The following MYO15A variants were observed in gnomAD, a reference collection of about 807,000 sequenced individuals.
MYO15A encodes the protein unconventional myosin-XV.
MYO15A carries 308 observed loss-of-function variants against 394.6 expected under a neutral mutation model. The ratio of observed to expected loss-of-function variants is 0.78; its 90% CI spans 0.71 to 0.86. The LOEUF (loss-of-function observed/expected upper bound fraction) is 0.86. MYO15A is among the 40% of genes least tolerant of loss of function. MYO15A has a pLI of 0.00. For synonymous variants in MYO15A, 1,957 were observed against 2,003.8 expected (o/e 0.98, Z 0.62); for missense variants, 4,606 against 4,799.1 (o/e 0.96, Z 1.19).
chr17:18,142,235 G>A lies in MYO15A; in HGVS notation c.5806G>A (p.Ala1936Thr). ...CAAGATCATCCTGCTGCAAAGCCGG[G>A]CCCGTGGCTACCTTGCCAGGTGAGG... ...RHKIILLQSRARGYLARQRYQ... is the reference protein window; with the variant it reads ...RHKIILLQSRTRGYLARQRYQ... Residue 1936 changes from alanine to threonine, a missense_variant, in exon 24 of 66, where the codon GCC becomes ACC. By Grantham distance (58) the Ala-to-Thr change is moderately conservative. This residue lies in a region of MYO15A where 2,776 missense variants were observed against 3,109.3 expected (regional missense o/e 0.89). Transcript: ENST00000647165. The A allele has an allele frequency of 6.2e-7, 1 of 1,612,886 alleles. No individual in the cohort carries two copies. Among genetic ancestry groups the A allele is most frequent in the Non-Finnish European group, 8.5e-7 (1 of 1,179,890 alleles).
rs115633795 is a variant in MYO15A, at chr17:18,161,483, G to A, written c.9517+36G>A. The A allele has an allele frequency of 4.9e-3, 7,971 of 1,610,730 alleles. 128 individuals are homozygous for A. In the African/African-American group the frequency reaches 0.052, roughly 11 times the overall value. On this transcript the variant is annotated intron_variant, in intron 57 of 65. Coordinates refer to ENST00000647165, the MANE Select transcript of MYO15A (RefSeq NM_016239.4). ...AATGAGTGGGAACCCAGGGCTGCATGCTTCTCCCTTGGGGACTGGGTGGAC... is the reference window on the plus strand; with the variant it reads ...AATGAGTGGGAACCCAGGGCTGCATACTTCTCCCTTGGGGACTGGGTGGAC...
At chr17:18,149,051 G>A (rs769426004) in intron 33 of MYO15A, 99 bp downstream of exon 33, 66 of 1,501,964 alleles carry the variant, frequency 4.4e-5, no homozygotes, top group Non-Finnish European at 5.8e-5. Flanking sequence ...TGCTGGGACA[G>A]GCTGAGCCCT....
At chr17:18,116,351 A>C (rs951805529) in intron 1 of MYO15A, among the ~76,000 whole-genome samples, 10 of 152,382 alleles carry the variant, frequency 6.6e-5, no homozygotes, top group Admixed American at 3.9e-4. Context: ...GTGATGACCC[A>C]GGAGCTCAGC....
intron 19 of MYO15A, among the ~76,000 whole-genome samples, chr17:18,140,242 G>C (rs1227306520): frequency 6.6e-6 from 1 of 152,216 alleles, no homozygotes; most frequent in African/African-American, 2.4e-5. Flanking sequence ...GTATCTAACA[G>C]GCCACCCTGG....
intron 12 of MYO15A, 128 bp downstream of exon 12, chr17:18,133,514 T>A (rs937200600): frequency 7.7e-7 from 1 of 1,296,776 alleles, no homozygotes; most frequent in African/African-American, 1.5e-5. Context: ...TTTTTCTTTT[T>A]TCCTTTGGGG....
rs751971478 is a variant in MYO15A at position 18,149,509 on chromosome 17, G to T, written c.7141G>T (p.Ala2381Ser). The T allele has an allele frequency of 6.2e-7, 1 of 1,614,204 alleles. No individual in the cohort carries two copies. The highest frequency in any genetic ancestry group is 8.5e-7 in the Non-Finnish European group (1 of 1,180,026). Reference protein sequence around the residue: ...HQESDSLGEPAVPHKGLDCYL... With the variant: ...HQESDSLGEPSVPHKGLDCYL... ...AGAGTCAGACAGTCTTGGAGAGCCT[G>T]CTGTGCCCCACAAGGGGCTGGACTG... Residue 2381 changes from alanine to serine, a missense_variant, in exon 35 of 66, where the codon GCT becomes TCT. By Grantham distance (99) the Ala-to-Ser change is moderately conservative. Coordinates refer to ENST00000647165, the MANE Select transcript of MYO15A (RefSeq NM_016239.4).
At position 18,136,706 on chromosome 17, in the gene MYO15A, T is replaced by G. The variant is rs1472347980; in HGVS notation, c.4779+20T>G. 6.3e-7 allele frequency: 1 copy of G among 1,580,830 alleles called. No individual in the cohort carries two copies. Among genetic ancestry groups the G allele is most frequent in the Non-Finnish European group, 8.6e-7 (1 of 1,167,058 alleles). ...TTCGAGGTGGGGCCGTGTAGGAGGC[T>G]GAGGGGCGGGGGACATAGGCAAGGT... On this transcript the variant is annotated intron_variant, in intron 15 of 65. Transcript: ENST00000647165.
At chr17:18,151,761 G>A in intron 40 of MYO15A, 85 bp from the exon 41 acceptor site, 2 of 1,323,298 alleles carry the variant, frequency 1.5e-6, no homozygotes, top group Admixed American at 2.0e-5. Flanking sequence ...GGGTGGTGGA[G>A]GAGGAGGAAG....
Position 18,140,780 on chromosome 17 carries a change from C to T in MYO15A, c.5361-7C>T, listed in dbSNP as rs1038210678. 1 of 1,614,100 alleles carries T rather than the reference C, an allele frequency of 6.2e-7. No homozygotes were observed. Among genetic ancestry groups the T allele is most frequent in the Non-Finnish European group, 8.5e-7 (1 of 1,180,056 alleles). ...GCCTCATGCTGTCCTCTTCCTGCCA[C>T]TGCCAGGTGCAACCCCTTGTTCATG... is the stretch of plus-strand genomic sequence containing the variant. On this transcript the variant is annotated splice_polypyrimidine_tract_variant and splice_region_variant and intron_variant, in intron 20 of 65. Transcript: ENST00000647165.
At chr17:18,130,905 C>G (rs1418764601) in intron 8 of MYO15A, 95 bp downstream of exon 8, 1 of 1,339,420 alleles carries the variant, frequency 7.5e-7, no homozygotes, top group African/African-American at 1.5e-5. Flanking sequence ...TGTGCCTGCT[C>G]CTGTGTGGGT....
In MYO15A at chr17:18,118,767, C is replaced by A. The variant is rs374326586; in HGVS notation, c.-34C>A. On this transcript the variant is annotated 5_prime_UTR_variant, in exon 2 of 66. Transcript: ENST00000647165. ...CTCCAAGTCCCTGAGCCCGTGACAC[C>A]GGCCCCAGGCCCTGTAGAGAGCAGG... 5 of 1,607,166 alleles carry A rather than the reference C, an allele frequency of 3.1e-6. No individual in the cohort carries two copies. The highest frequency in any genetic ancestry group is 4.2e-6 in the Non-Finnish European group (5 of 1,177,462).
At position 18,136,556 on chromosome 17, in the gene MYO15A, G is replaced by GC. The variant is rs753047838; in HGVS notation, c.4656-6dup. ...TCCTGCTCACACCAGCACCACCTCT[G>GC]CTCCAGGGACGCCATCGCCAAGGTC... On this transcript the variant is annotated splice_region_variant and splice_polypyrimidine_tract_variant and intron_variant, in intron 14 of 65. Transcript: ENST00000647165. 78 of 1,613,998 alleles carry GC rather than the reference G, an allele frequency of 4.8e-5. No homozygotes were observed. Among genetic ancestry groups the GC allele is most frequent in the Non-Finnish European group, 6.6e-5 (78 of 1,180,042 alleles).
At chr17:18,169,108 C>T (rs1334020199) in intron 62 of MYO15A, among the ~76,000 whole-genome samples, 1 of 116,434 alleles carries the variant, frequency 8.6e-6, no homozygotes, top group East Asian at 2.5e-4. Flanking sequence ...AGCGAAACTC[C>T]ATCTCAAAAT....
At chr17:18,164,832 CAAAAAAAAAAAAAAA>C (rs368989213) in intron 60 of MYO15A, 51 of 84,304 alleles carry the variant, frequency 6.0e-4, no homozygotes, top group East Asian at 6.9e-4. Flanking sequence ...ACTCTATCTG[CAAAAAAAAAAAAAAA>C]AAAAAAAAAA....
At chr17:18,129,933 G>A (rs1012109514) in intron 7 of MYO15A, among the ~76,000 whole-genome samples, 3 of 152,136 alleles carry the variant, frequency 2.0e-5, no homozygotes, top group Non-Finnish European at 4.4e-5. Flanking sequence ...AGGCTGGAGT[G>A]CAGTGGTGCC....
intron 56 of MYO15A, 74 bp from the exon 57 acceptor site, chr17:18,161,243 C>T: frequency 6.4e-7 from 1 of 1,573,140 alleles, no homozygotes; most frequent in South Asian, 1.1e-5. Context: ...TCTGTCTCAG[C>T]TCAATCCCAG....
intron 8 of MYO15A, 142 bp downstream of exon 8, chr17:18,130,952 C>T: frequency 3.1e-6 from 3 of 974,816 alleles, no homozygotes; most frequent in Non-Finnish European, 4.6e-6. Flanking sequence ...AAAGGCCTGT[C>T]CTAGGCAGGG....
chr17:18,159,860 C>T, intron 55 of MYO15A, 75 bp from the exon 56 acceptor site: 1 of 1,542,240 alleles, frequency 6.5e-7, no homozygotes, highest in Non-Finnish European at 8.9e-7. Context: ...AGGTGCCCAC[C>T]CTGTTCTTAT....
chr17:18,149,950 CAAAAAAAAAA>C (rs369728454), intron 35 of MYO15A: 8 of 125,216 alleles, frequency 6.4e-5, no homozygotes, highest in Non-Finnish European at 1.2e-4. Context: ...GACCCTGTCT[CAAAAAAAAAA>C]AAAAAAAAAA....
Sources: gnomAD v4.1 joint callset for allele counts (sites outside exome capture counted in the v4.1 genomes callset) on GRCh38, gnomAD v4.1.1 for gene constraint, gnomAD v4.1.1 regional missense constraint, MANE v1.5 for transcripts, NCBI Gene and HGNC (gene_info 2026-07-23, HGNC 2026-07-21) for gene names.